The following GPC6 variants were observed in gnomAD, a reference collection of about 807,000 sequenced individuals.
GPC6 encodes the protein glypican 6.
Under a neutral mutation model 55.2 loss-of-function variants are expected in GPC6, and 14 were observed. That is an observed-to-expected ratio of 0.25 (90% CI 0.17 to 0.40). GPC6 has a LOEUF of 0.40. Ranked by LOEUF, GPC6 falls within the 10% of genes least tolerant of loss-of-function variation. The pLI is 1.00. For synonymous variants in GPC6, 278 were observed against 259.6 expected (o/e 1.07, Z -0.68); for missense variants, 641 against 708.5 (o/e 0.90, Z 1.08).
intron 2 of GPC6, among the ~76,000 whole-genome samples, chr13:93,608,502 A>G (rs1031494481): frequency 5.4e-4 from 82 of 152,304 alleles, no homozygotes; most frequent in African/African-American, 1.9e-3. Flanking sequence ...CTTACATTCC[A>G]GTTTTTGAAG....
At chr13:93,420,297 C>A (rs1876879594) in intron 1 of GPC6, among the ~76,000 whole-genome samples, 1 of 152,078 alleles carries the variant, frequency 6.6e-6, no homozygotes, top group Non-Finnish European at 1.5e-5. Context: ...GCTCTCTGAT[C>A]CCAGTTTAAT....
intron 1 of GPC6, among the ~76,000 whole-genome samples, chr13:93,371,451 T>C (rs1489634383): frequency 6.6e-6 from 1 of 152,168 alleles, no homozygotes; most frequent in Non-Finnish European, 1.5e-5. Context: ...TCAAAGAATC[T>C]TGCAAGTTAT....
In GPC6 at chr13:93,475,572, C is replaced by G. The variant is rs16948846; in HGVS notation, c.161-69691C>G. 6.3e-3 allele frequency among the ~76,000 whole-genome samples: 952 copies of G among 152,244 alleles called. 9 individuals are homozygous for G. Among genetic ancestry groups the G allele is most frequent in the African/African-American group, 0.022 (908 of 41,546 alleles). ...ATGTTTTGCTTTTAAACCAGATATG[C>G]AAAGAGAGGCAACGATCTATGTGGC... On this transcript the variant is annotated intron_variant, in intron 1 of 8. Transcript: ENST00000377047.
chr13:93,812,938 G>A (rs1288312692), intron 2 of GPC6, among the ~76,000 whole-genome samples: 3 of 152,080 alleles, frequency 2.0e-5, no homozygotes, highest in African/African-American at 7.2e-5. Flanking sequence ...AGAGAATAAG[G>A]ATTGTCACTA....
chr13:93,650,291 T>C (rs1174078011), intron 2 of GPC6, among the ~76,000 whole-genome samples: 3 of 152,166 alleles, frequency 2.0e-5, no homozygotes, highest in Non-Finnish European at 1.5e-5. Context: ...TAATTGACTT[T>C]CCAAAATTAA....
At chr13:94,143,952 G>A (rs1179637516) in intron 4 of GPC6, among the ~76,000 whole-genome samples, 2 of 152,154 alleles carry the variant, frequency 1.3e-5, no homozygotes, top group African/African-American at 4.8e-5. Context: ...GGACATCAGC[G>A]ATTGTCACGT....
At chr13:94,211,033 C>T (rs187910399) in intron 4 of GPC6, among the ~76,000 whole-genome samples, 1 of 152,282 alleles carries the variant, frequency 6.6e-6, no homozygotes, top group Admixed American at 6.5e-5. Flanking sequence ...CTGAAACAGA[C>T]AAGACTAGGC....
At chr13:93,718,594 A>G (rs1185098160) in intron 2 of GPC6, among the ~76,000 whole-genome samples, 14 of 152,120 alleles carry the variant, frequency 9.2e-5, no homozygotes, top group Admixed American at 8.5e-4. Context: ...TGCTGTACAG[A>G]AGCTCTTTAG....
At chr13:94,267,323 G>C (rs1349337039) in intron 4 of GPC6, among the ~76,000 whole-genome samples, 4 of 152,178 alleles carry the variant, frequency 2.6e-5, no homozygotes, top group African/African-American at 9.7e-5. Flanking sequence ...GTGTGGAATA[G>C]TGTTAGTAAA....
rs1440663458 is a variant in GPC6 at position 94,308,883 on chromosome 13, C to T, written c.1152+2760C>T. 4.6e-5 allele frequency among the ~76,000 whole-genome samples: 7 copies of T among 152,312 alleles called. No homozygotes were observed. The East Asian group carries it at 5.8e-4, about 13-fold the overall frequency. ...CAGCCATTGGCTCTCCTGAGGCCTT[C>T]GTCCTTTGGGGTTCCAATATAGCTC... On this transcript the variant is annotated intron_variant, in intron 6 of 8. Coordinates refer to ENST00000377047, the MANE Select transcript of GPC6 (RefSeq NM_005708.5).
At chr13:93,499,623 C>A (rs1409058472) in intron 1 of GPC6, among the ~76,000 whole-genome samples, 1 of 152,108 alleles carries the variant, frequency 6.6e-6, no homozygotes, top group Non-Finnish European at 1.5e-5. Flanking sequence ...GAGGAGTGAA[C>A]ACCTGAATGA....
At chr13:94,029,999 C>T (rs959861028) in intron 4 of GPC6, among the ~76,000 whole-genome samples, 2 of 150,916 alleles carry the variant, frequency 1.3e-5, no homozygotes, top group Non-Finnish European at 2.9e-5. Context: ...ACCCTTTCTT[C>T]CCGTCTTTTT....
At chr13:93,241,400 G>T (rs181549074) in intron 1 of GPC6, among the ~76,000 whole-genome samples, 147 of 152,222 alleles carry the variant, frequency 9.7e-4, no homozygotes, top group Non-Finnish European at 1.6e-3. Flanking sequence ...TCCAAGCTCT[G>T]AAATTATTTC....
At chr13:94,105,676 GA>G (rs1434337142) in intron 4 of GPC6, among the ~76,000 whole-genome samples, 1 of 152,164 alleles carries the variant, frequency 6.6e-6, no homozygotes, top group Admixed American at 6.5e-5. Context: ...GTGGTTGGAA[GA>G]AGAAAAGAAA....
chr13:93,903,155 G>A (rs1465480277), intron 3 of GPC6, among the ~76,000 whole-genome samples: 3 of 152,154 alleles, frequency 2.0e-5, no homozygotes, highest in African/African-American at 7.2e-5. Flanking sequence ...ACATTGGTCT[G>A]GGCAAGGTTT....
At chr13:94,311,293 C>T (rs1377401828) in intron 6 of GPC6, among the ~76,000 whole-genome samples, 7 of 151,906 alleles carry the variant, frequency 4.6e-5, no homozygotes, top group South Asian at 4.2e-4. Flanking sequence ...CTTGGCCTCC[C>T]GAGTAGCTGG....
intron 1 of GPC6, among the ~76,000 whole-genome samples, chr13:93,443,520 G>T (rs1056316205): frequency 2.0e-5 from 3 of 152,100 alleles, no homozygotes; most frequent in African/African-American, 7.2e-5. Context: ...TAATTTTTAT[G>T]GAATATCTTA....
At chr13:93,533,962 G>C (rs1881960913) in intron 1 of GPC6, among the ~76,000 whole-genome samples, 2 of 152,092 alleles carry the variant, frequency 1.3e-5, no homozygotes, top group Admixed American at 1.3e-4. Flanking sequence ...TGTTCAAACA[G>C]AGGAAGTGGC....
intron 3 of GPC6, among the ~76,000 whole-genome samples, chr13:93,989,956 G>A (rs1193393078): frequency 6.8e-6 from 1 of 147,198 alleles, no homozygotes; most frequent in Non-Finnish European, 1.5e-5. Flanking sequence ...TCTTTTCTTT[G>A]TATAAAATAT....
Sources: gnomAD v4.1 joint callset for allele counts (sites outside exome capture counted in the v4.1 genomes callset) on GRCh38, gnomAD v4.1.1 for gene constraint, MANE v1.5 for transcripts, NCBI Gene and HGNC (gene_info 2026-07-23, HGNC 2026-07-21) for gene names.